Variants in PSMD12 observed in about 807,000 individuals in gnomAD.
The protein encoded by PSMD12 is 26S proteasome non-ATPase regulatory subunit 12.
A neutral mutation model predicts 62.9 loss-of-function variants in PSMD12; 8 were observed. The observed-to-expected ratio is 0.13, with a 90% confidence interval of 0.07 to 0.23. The LOEUF (loss-of-function observed/expected upper bound fraction) is 0.23. Among genes scored for constraint, PSMD12 ranks in the 10% least tolerant of loss-of-function variants. The probability of loss-of-function intolerance (pLI) is 1.00; values close to 1 mark genes in which losing one functional copy is unlikely to be tolerated. For missense variants in PSMD12, 424 were observed against 550.2 expected, an observed-to-expected ratio of 0.77 and a Z score of 2.29; for synonymous variants, 173 against 187.4, an observed-to-expected ratio of 0.92 and a Z score of 0.63.
At chr17:67,359,473 C>CCAAAAAT (rs2143730591) in intron 1 of PSMD12, among the ~76,000 whole-genome samples, 1 of 152,204 alleles carries the variant, frequency 6.6e-6, no homozygotes, top group South Asian at 2.1e-4. Context: ...GTTTTTCTAA[C>CCAAAAAT]CAAAAATGAA....
At chr17:67,358,121 C>T (rs572450084) in intron 1 of PSMD12, among the ~76,000 whole-genome samples, 1 of 152,190 alleles carries the variant, frequency 6.6e-6, no homozygotes, top group South Asian at 2.1e-4. Context: ...TGGGCTTTCA[C>T]CATGTTGGCC....
chr17:67,350,266 C>T lies in PSMD12; in HGVS notation c.368G>A (p.Arg123Gln), dbSNP rs767936764. The T allele has an allele frequency of 1.2e-5, 19 of 1,612,658 alleles. No individual in the cohort carries two copies. The African/African-American group carries it at 1.6e-4, about 14-fold the overall frequency. ...EEITDLPIKL[R>Q]LIDTLRMVTE... Reference sequence around the variant, plus strand: ...AACCATTCGTAGAGTATCAATTAATCGAAGTTTGATAGGAAGGTCTGTGAT... The same window carrying T: ...AACCATTCGTAGAGTATCAATTAATTGAAGTTTGATAGGAAGGTCTGTGAT... Residue 123 changes from arginine (R) to glutamine (Q), a missense_variant, in exon 4 of 11, where the codon CGA (arginine) becomes CAA (glutamine). Arg to Gln is a conservative substitution (Grantham distance 43, BLOSUM62 1). Coordinates refer to ENST00000356126, the MANE Select transcript of PSMD12 (RefSeq NM_002816.5).
At chr17:67,364,786 C>G (rs1346176003) in intron 1 of PSMD12, among the ~76,000 whole-genome samples, 1 of 152,156 alleles carries the variant, frequency 6.6e-6, no homozygotes, top group Non-Finnish European at 1.5e-5. Flanking sequence ...TGGTTTCTCC[C>G]TCAAATTAGC....
chr17:67,364,678 G>A (rs1402770080), intron 1 of PSMD12, among the ~76,000 whole-genome samples: 2 of 152,160 alleles, frequency 1.3e-5, no homozygotes, highest in Non-Finnish European at 2.9e-5. Context: ...TGTATGTTTT[G>A]TTCTAGCTAC....
At chr17:67,358,268 TTAAAGAA>T (rs1181571149) in intron 1 of PSMD12, among the ~76,000 whole-genome samples, 3 of 151,912 alleles carry the variant, frequency 2.0e-5, no homozygotes, top group African/African-American at 7.3e-5. Context: ...ACATGTGTCT[TTAAAGAA>T]TAAAAACAGA....
intron 1 of PSMD12, among the ~76,000 whole-genome samples, chr17:67,358,567 C>CAAAA (rs398039153): frequency 0.25 from 18,251 of 73,778 alleles, 2,408 homozygotes; most frequent in Non-Finnish European, 0.28. Context: ...GAACCTGTCT[C>CAAAA]AAAAAAAAAA....
intron 3 of PSMD12, among the ~76,000 whole-genome samples, chr17:67,351,734 A>T (rs1399096548): frequency 6.7e-6 from 1 of 150,290 alleles, no homozygotes; most frequent in African/African-American, 2.4e-5. Flanking sequence ...GGTAACCCTC[A>T]CCTCCTTTCA....
rs562604886 is a variant in PSMD12, at chr17:67,358,290, A to G, written c.109-712T>C. 1.2e-4 allele frequency among the ~76,000 whole-genome samples: 19 copies of G among 152,266 alleles called. No individual in the cohort carries two copies. In the South Asian group the frequency reaches 3.9e-3, roughly 32 times the overall value. ...TCTTTAAAGAATAAAAACAGAGGCC[A>G]GGTGCAGTGGCTCATGCCTGTAATG... On this transcript the variant is annotated intron_variant, in intron 1 of 10. Transcript: ENST00000356126.
At chr17:67,348,519 G>A (rs745876419) in intron 5 of PSMD12, 31 bp downstream of exon 5, 2 of 1,567,578 alleles carry the variant, frequency 1.3e-6, no homozygotes. Flanking sequence ...ACAAAACAAA[G>A]TTTTACCAAC....
At chr17:67,354,369 C>A (rs1199346095) in intron 3 of PSMD12, among the ~76,000 whole-genome samples, 1 of 151,164 alleles carries the variant, frequency 6.6e-6, no homozygotes, top group Non-Finnish European at 1.5e-5. Context: ...ATGATTGCAC[C>A]ACTGCACTCT....
At chr17:67,364,026 G>A (rs1249119748) in intron 1 of PSMD12, among the ~76,000 whole-genome samples, 2 of 151,886 alleles carry the variant, frequency 1.3e-5, no homozygotes, top group Non-Finnish European at 2.9e-5. Context: ...TCCAGCCTGG[G>A]CAACAAGAGC....
chr17:67,345,971 C>T (rs1489369020), intron 7 of PSMD12, 114 bp from the exon 8 acceptor site: 29 of 965,928 alleles, frequency 3.0e-5, no homozygotes, highest in South Asian at 6.7e-5. Context: ...AAGTCTTGGC[C>T]GGGCGCAGTG....
intron 1 of PSMD12, among the ~76,000 whole-genome samples, chr17:67,361,898 AAAAAAAAAAAAGG>A (rs2042132195): frequency 1.5e-5 from 2 of 136,136 alleles, no homozygotes; most frequent in African/African-American, 2.6e-5. Flanking sequence ...AAAAAAAAAA[AAAAAAAAAAAAGG>A]AAGGAAGGAA....
chr17:67,355,888 G>C (rs1169742449), intron 3 of PSMD12, among the ~76,000 whole-genome samples: 1 of 151,980 alleles, frequency 6.6e-6, no homozygotes, highest in Non-Finnish European at 1.5e-5. Context: ...AGCACTTTGG[G>C]AGGCTGAGGT....
intron 1 of PSMD12, among the ~76,000 whole-genome samples, chr17:67,361,506 C>T (rs755103199): frequency 6.6e-5 from 10 of 152,004 alleles, no homozygotes; most frequent in Non-Finnish European, 1.0e-4. Context: ...CACTTGAACC[C>T]GGGAACGGGA....
At chr17:67,359,165 G>T (rs750447466) in intron 1 of PSMD12, among the ~76,000 whole-genome samples, 44 of 152,178 alleles carry the variant, frequency 2.9e-4, no homozygotes, top group Non-Finnish European at 4.9e-4. Context: ...GACCAGCATG[G>T]AAAATAGGGG....
intron 3 of PSMD12, among the ~76,000 whole-genome samples, chr17:67,355,089 G>GT (rs533603458): frequency 0.019 from 2,332 of 121,418 alleles, 43 homozygotes; most frequent in East Asian, 0.039. Flanking sequence ...CATATTTTTG[G>GT]TTTTTTTTTT....
intron 7 of PSMD12, among the ~76,000 whole-genome samples, chr17:67,346,554 G>A (rs1458018224): frequency 1.3e-5 from 2 of 152,120 alleles, no homozygotes; most frequent in Non-Finnish European, 2.9e-5. Context: ...GACAGAGCGA[G>A]ACTCTGTCTC....
At chr17:67,344,487 T>G in intron 9 of PSMD12, 119 bp downstream of exon 9, 8 of 951,864 alleles carry the variant, frequency 8.4e-6, no homozygotes, top group Non-Finnish European at 1.1e-5. Flanking sequence ...AAATGAACAT[T>G]TGGTTATCAA....
Sources: allele counts gnomAD v4.1 joint callset (sites outside exome capture counted in the v4.1 genomes callset), GRCh38; gene constraint gnomAD v4.1.1; transcripts MANE v1.5; gene names NCBI Gene and HGNC (gene_info 2026-07-23, HGNC 2026-07-21).